Variants in PICALM observed in about 807,000 individuals in gnomAD.
PICALM encodes the protein phosphatidylinositol binding clathrin assembly protein, also known as phosphatidylinositol-binding clathrin assembly protein.
PICALM carries 40 observed loss-of-function variants against 80.5 expected under a neutral mutation model. That is an observed-to-expected ratio of 0.50 (90% CI 0.39 to 0.65). The LOEUF (loss-of-function observed/expected upper bound fraction) is 0.65. Among genes scored for constraint, PICALM ranks in the 30% least tolerant of loss-of-function variants. The pLI is 0.00. For missense variants in PICALM, 676 were observed against 778.9 expected (o/e 0.87, Z 1.57); for synonymous variants, 288 against 260.3 (o/e 1.11, Z -1.02).
Position 86,068,667 on chromosome 11 carries a change from C to T in PICALM, c.114G>A (p.Lys38=). The T allele has an allele frequency of 6.2e-6, 10 of 1,612,846 alleles. No individual in the cohort carries two copies. The highest frequency in any genetic ancestry group is 1.3e-5 in the African/African-American group (1 of 74,928). ...KATTHEIMGP[K]KKHLDYLIQC... The stretch of plus-strand genomic sequence containing the variant: ...TTCACTCACAGTCCAGGTGCTTTTT[C>T]TTGGGCCCCATGATCTCGTGGGTCG... The change falls in exon 1 of 20, where the codon AAG becomes AAA. Residue 38 remains lysine, a synonymous_variant. Coordinates refer to ENST00000393346, the MANE Select transcript of PICALM (RefSeq NM_007166.4).
intron 1 of PICALM, among the ~76,000 whole-genome samples, chr11:86,049,098 GC>G (rs1299441680): frequency 6.6e-6 from 1 of 152,068 alleles, no homozygotes; most frequent in Non-Finnish European, 1.5e-5. Flanking sequence ...TTCCAGACCA[GC>G]CTGACCAACA....
At chr11:86,025,666 C>A (rs544761500) in intron 3 of PICALM, among the ~76,000 whole-genome samples, 1 of 151,944 alleles carries the variant, frequency 6.6e-6, no homozygotes, top group Non-Finnish European at 1.5e-5. Context: ...TCAAGCGATT[C>A]TCCTGCCTCA....
At chr11:86,063,201 G>C (rs536402424) in intron 1 of PICALM, among the ~76,000 whole-genome samples, 3 of 152,136 alleles carry the variant, frequency 2.0e-5, no homozygotes, top group African/African-American at 7.2e-5. Context: ...TAAACAATCA[G>C]TGTTTTTTAA....
intron 4 of PICALM, among the ~76,000 whole-genome samples, chr11:86,018,570 TA>T (rs1422518319): frequency 6.6e-6 from 1 of 152,234 alleles, no homozygotes; most frequent in East Asian, 1.9e-4. Flanking sequence ...ACCTGCAACA[TA>T]ATTCTACAGC....
chr11:86,052,902 C>A (rs1188655443), intron 1 of PICALM, among the ~76,000 whole-genome samples: 2 of 152,232 alleles, frequency 1.3e-5, no homozygotes, highest in African/African-American at 4.8e-5. Context: ...TCCTCAAACA[C>A]AATTTCAGCT....
intron 1 of PICALM, among the ~76,000 whole-genome samples, chr11:86,063,492 C>A (rs1233431340): frequency 1.3e-5 from 2 of 152,024 alleles, no homozygotes; most frequent in Non-Finnish European, 2.9e-5. Flanking sequence ...TAAGCGGCTA[C>A]AAAAAATAGT....
intron 19 of PICALM, among the ~76,000 whole-genome samples, chr11:85,963,548 T>C (rs781649715): frequency 6.6e-6 from 1 of 152,200 alleles, no homozygotes; most frequent in Admixed American, 6.5e-5. Context: ...AATACAGACA[T>C]AGTCTTTTCT....
chr11:86,027,737 T>C (rs1038763556), intron 2 of PICALM, among the ~76,000 whole-genome samples: 6 of 152,094 alleles, frequency 3.9e-5, no homozygotes, highest in Admixed American at 2.0e-4. Flanking sequence ...CCTAGGCTGG[T>C]CTGGAACTCT....
Position 85,968,922 on chromosome 11 carries a change from T to C in PICALM, c.1944+5786A>G, listed in dbSNP as rs576707562. Among the ~76,000 whole-genome samples the C allele has an allele frequency of 4.7e-5, 7 of 149,738 alleles. No homozygotes were observed. The East Asian group carries it at 1.4e-3, about 29-fold the overall frequency. On this transcript the variant is annotated intron_variant, in intron 19 of 19. Transcript: ENST00000393346. ...GTTGTTAAACAATTCCATGAAAATA[T>C]CTAAAAAATACAGAAAAATGACTCA...
intron 1 of PICALM, among the ~76,000 whole-genome samples, chr11:86,065,922 T>A (rs145714100): frequency 1.3e-5 from 2 of 152,236 alleles, no homozygotes; most frequent in South Asian, 2.1e-4. Context: ...TAAGGGCTTA[T>A]ACGAAAAACA....
At chr11:85,983,557 A>G (rs949743158) in intron 14 of PICALM, among the ~76,000 whole-genome samples, 2 of 151,780 alleles carry the variant, frequency 1.3e-5, no homozygotes, top group African/African-American at 4.8e-5. Context: ...TAAAAATTGT[A>G]TGCCTAAAAA....
At chr11:85,982,478 A>T (rs2094470734) in intron 14 of PICALM, among the ~76,000 whole-genome samples, 1 of 121,982 alleles carries the variant, frequency 8.2e-6, no homozygotes, top group South Asian at 2.8e-4. Flanking sequence ...CGGACTGCGG[A>T]CTGCAGTGGC....
At chr11:86,046,159 C>G (rs996387508) in intron 1 of PICALM, among the ~76,000 whole-genome samples, 7 of 152,180 alleles carry the variant, frequency 4.6e-5, no homozygotes, top group Non-Finnish European at 8.8e-5. Context: ...GCTTCAAATA[C>G]TGATAATGAA....
At chr11:85,969,384 G>A (rs2094022279) in intron 19 of PICALM, among the ~76,000 whole-genome samples, 1 of 152,184 alleles carries the variant, frequency 6.6e-6, no homozygotes, top group Non-Finnish European at 1.5e-5. Context: ...GGGAACAGCT[G>A]TAGAAATTAG....
chr11:85,959,799 T>G (rs1232098518), intron 19 of PICALM, among the ~76,000 whole-genome samples: 1 of 152,018 alleles, frequency 6.6e-6, no homozygotes, highest in Non-Finnish European at 1.5e-5. Flanking sequence ...AGGCTGATCT[T>G]GAACTACTAG....
Position 85,957,338 on chromosome 11 carries a change from G to A in PICALM, c.*1708C>T, listed in dbSNP as rs1354785070. ...TCTGAACCCTATGCACTACTAAATAGGCAATATGATACAATCAAAGGTTTC... is the reference window on the plus strand; with the variant it reads ...TCTGAACCCTATGCACTACTAAATAAGCAATATGATACAATCAAAGGTTTC... On this transcript the variant is annotated 3_prime_UTR_variant, in exon 20 of 20. Transcript: ENST00000393346. Among the ~76,000 whole-genome samples the A allele has an allele frequency of 6.6e-6, 1 of 152,118 alleles. No individual in the cohort carries two copies. The highest frequency in any genetic ancestry group is 1.5e-5 in the Non-Finnish European group (1 of 68,016).
In PICALM at chr11:86,032,117, G is replaced by C. The variant is rs539638813; in HGVS notation, c.131-506C>G. 6.6e-5 allele frequency among the ~76,000 whole-genome samples: 10 copies of C among 152,104 alleles called. No individual in the cohort carries two copies. The East Asian group carries it at 1.9e-3, about 29-fold the overall frequency. ...TGTCTTTGCAACAGGAAGATAACAGGGCAGAGATCTGGTCTGTAATTGAGT... is the reference window on the plus strand; with the variant it reads ...TGTCTTTGCAACAGGAAGATAACAGCGCAGAGATCTGGTCTGTAATTGAGT... On this transcript the variant is annotated intron_variant, in intron 1 of 19. Coordinates refer to ENST00000393346, the MANE Select transcript of PICALM (RefSeq NM_007166.4).
At chr11:85,969,456 T>C (rs2094025347) in intron 19 of PICALM, among the ~76,000 whole-genome samples, 1 of 152,210 alleles carries the variant, frequency 6.6e-6, no homozygotes, top group Admixed American at 6.5e-5. Flanking sequence ...CCATTTACTT[T>C]ACCCCATACA....
chr11:86,000,934 AG>A (rs1171182783), intron 10 of PICALM, 100 bp downstream of exon 10: 10 of 1,488,424 alleles, frequency 6.7e-6, no homozygotes, highest in Non-Finnish European at 9.2e-6. Context: ...TCAGCCCATT[AG>A]GTAGCTATAC....
Sources: allele counts gnomAD v4.1 joint callset (sites outside exome capture counted in the v4.1 genomes callset), GRCh38; gene constraint gnomAD v4.1.1; transcripts MANE v1.5; gene names NCBI Gene and HGNC (gene_info 2026-07-23, HGNC 2026-07-21).